The following PCDHGB1 variants were observed in gnomAD, a reference collection of about 807,000 sequenced individuals.
PCDHGB1 encodes protocadherin gamma subfamily B, 1, also known as protocadherin gamma-B1.
Under a neutral mutation model 56.6 loss-of-function variants are expected in PCDHGB1, and 34 were observed. The ratio of observed to expected loss-of-function variants is 0.60; its 90% CI spans 0.46 to 0.80. The LOEUF is 0.80. Among genes scored for constraint, PCDHGB1 ranks in the 30% least tolerant of loss-of-function variants. PCDHGB1 has a pLI of 0.00. For synonymous variants in PCDHGB1, 561 were observed against 505.9 expected (o/e 1.11, Z -1.46); for missense variants, 1,278 against 1,204.6 (o/e 1.06, Z -0.90).
intron 2 of PCDHGB1, among the ~76,000 whole-genome samples, chr5:141,500,501 G>A (rs571735791): frequency 1.3e-5 from 2 of 152,058 alleles, no homozygotes; most frequent in Non-Finnish European, 2.9e-5. Context: ...GAGCCACCGC[G>A]CCTGGCCGAG....
chr5:141,475,128 C>T (rs775275292), intron 1 of PCDHGB1, among the ~76,000 whole-genome samples: 3 of 151,894 alleles, frequency 2.0e-5, no homozygotes, highest in Non-Finnish European at 4.4e-5. Context: ...GGCTTTTTTT[C>T]TTTTTGAAAT....
intron 1 of PCDHGB1, chr5:141,418,920 A>G: frequency 6.2e-7 from 1 of 1,613,992 alleles, no homozygotes; most frequent in Non-Finnish European, 8.5e-7. Flanking sequence ...TCACTCTCTG[A>G]TCAGATTATG....
intron 1 of PCDHGB1, chr5:141,424,187 A>C (rs2096804354): frequency 5.3e-6 from 1 of 188,948 alleles, no homozygotes; most frequent in African/African-American, 2.4e-5. Context: ...ACATGCACAC[A>C]CACTTATACA....
Position 141,485,096 on chromosome 5 carries a change from C to T in PCDHGB1, c.2410-9711C>T, listed in dbSNP as rs1166994104. On this transcript the variant is annotated intron_variant, in intron 1 of 3. Coordinates refer to ENST00000523390, the MANE Select transcript of PCDHGB1 (RefSeq NM_018922.3). This position sits in a 1 kb window ranked among gnomAD's most constrained non-coding sequence, Gnocchi z 5.7. The stretch of plus-strand genomic sequence containing the variant: ...CGCGGGGAAAGGGAGATAGGTGTCT[C>T]CAGCTGCTGTGGCTGTTTGGGGCGG... The T allele has an allele frequency of 1.8e-6, 2 of 1,125,566 alleles. No homozygotes were observed. The highest frequency in any genetic ancestry group is 3.1e-5 in the African/African-American group (2 of 64,908). 69.7% of individuals were successfully genotyped at this position (1,125,566 alleles called of 1,614,324 possible).
intron 1 of PCDHGB1, chr5:141,408,661 G>T (rs1462103250): frequency 1.2e-6 from 2 of 1,613,888 alleles, no homozygotes; most frequent in Middle Eastern, 3.3e-4. Context: ...CACGACTATC[G>T]CTTGACCCTG....
chr5:141,428,679 TGGATGA>T (rs1231732563), intron 1 of PCDHGB1: 1 of 163,254 alleles, frequency 6.1e-6, no homozygotes, highest in Non-Finnish European at 1.3e-5. Flanking sequence ...CATTTACAAA[TGGATGA>T]GGTTTAATTT....
Position 141,486,998 on chromosome 5 carries a change from C to G in PCDHGB1, c.2410-7809C>G, listed in dbSNP as rs754609128. On this transcript the variant is annotated intron_variant, in intron 1 of 3. Coordinates refer to ENST00000523390, the MANE Select transcript of PCDHGB1 (RefSeq NM_018922.3). The surrounding 1 kb of genome is among the most constrained non-coding windows in gnomAD (Gnocchi z 5.0). ...AGGTTACAATGCTTGGGTTTCCTAT[C>G]AGCTCCTGGAGGCCCCAGATCCCAG... The G allele has an allele frequency of 6.2e-7, 1 of 1,614,206 alleles. No homozygotes were observed. Among genetic ancestry groups the G allele is most frequent in the Non-Finnish European group, 8.5e-7 (1 of 1,180,034 alleles).
At chr5:141,403,138 C>G in intron 1 of PCDHGB1, 1 of 1,614,036 alleles carries the variant, frequency 6.2e-7, no homozygotes, top group Non-Finnish European at 8.5e-7. Context: ...TGGCGGAGCG[C>G]CGAGTCCGCA....
Position 141,489,101 on chromosome 5 carries a change from T to C in PCDHGB1, c.2410-5706T>C. The C allele has an allele frequency of 2.5e-6, 1 of 398,412 alleles. No homozygotes were observed. The highest frequency in any genetic ancestry group is 4.3e-5 in the South Asian group (1 of 23,096). The allele number at this position is 398,412 out of a possible 1,614,324, so 24.7% of individuals were successfully genotyped here. A position where few individuals can be genotyped will look rare whatever the true frequency, so the allele number is the denominator to read the frequency against. ...CCGCCACTCGGTGACTAAGAACTGC[T>C]GCAAGCAGGCAAACCTCCGAGCAGT... On this transcript the variant is annotated intron_variant, in intron 1 of 3. Coordinates refer to ENST00000523390, the MANE Select transcript of PCDHGB1 (RefSeq NM_018922.3). The surrounding 1 kb of genome is among the most constrained non-coding windows in gnomAD (Gnocchi z 4.5).
intron 2 of PCDHGB1, among the ~76,000 whole-genome samples, chr5:141,503,432 TA>T (rs1423418926): frequency 6.6e-6 from 1 of 151,668 alleles, no homozygotes; most frequent in African/African-American, 2.4e-5. Flanking sequence ...CCATCTCTAC[TA>T]AAAATACAAA....
At chr5:141,501,146 T>C (rs2299023) in intron 2 of PCDHGB1, among the ~76,000 whole-genome samples, 88,663 of 152,012 alleles carry the variant, frequency 0.58, 27,355 homozygotes, top group African/African-American at 0.78. Context: ...GGATTACAGG[T>C]GGGAGCCACC....
intron 1 of PCDHGB1, chr5:141,385,365 G>C: frequency 6.5e-7 from 1 of 1,539,374 alleles, no homozygotes; most frequent in Non-Finnish European, 8.7e-7. Flanking sequence ...GAATTTATTT[G>C]CATGATATTT....
intron 1 of PCDHGB1, among the ~76,000 whole-genome samples, chr5:141,483,832 G>A (rs994540286): frequency 2.0e-5 from 3 of 152,134 alleles, no homozygotes; most frequent in African/African-American, 7.2e-5. Context: ...ACCTAGGTAA[G>A]GACTTGGTTG....
chr5:141,393,078 A>G, intron 1 of PCDHGB1: 1 of 1,613,718 alleles, frequency 6.2e-7, no homozygotes, highest in Non-Finnish European at 8.5e-7. Context: ...CACCGCGGGC[A>G]GGATAGATCG....
intron 1 of PCDHGB1, chr5:141,365,768 G>C: frequency 6.2e-7 from 1 of 1,613,812 alleles, no homozygotes. Flanking sequence ...CCATGACCCC[G>C]ACAGCGGCGA....
intron 1 of PCDHGB1, among the ~76,000 whole-genome samples, chr5:141,438,581 TACATAC>T (rs2097977343): frequency 4.0e-5 from 2 of 49,846 alleles, no homozygotes; most frequent in Non-Finnish European, 6.5e-5. Flanking sequence ...TATACATACA[TACATAC>T]ATACATATAT....
intron 1 of PCDHGB1, chr5:141,418,379 C>T: frequency 6.2e-7 from 1 of 1,613,966 alleles, no homozygotes; most frequent in Non-Finnish European, 8.5e-7. Flanking sequence ...CCAACTAAGT[C>T]CTAACGAGTA....
At chr5:141,388,376 C>T in intron 1 of PCDHGB1, 3 of 1,613,944 alleles carry the variant, frequency 1.9e-6, no homozygotes, top group Non-Finnish European at 2.5e-6. Context: ...ATATTGGTAG[C>T]AACACACTGC....
chr5:141,395,435 T>A, intron 1 of PCDHGB1: 1 of 680,384 alleles, frequency 1.5e-6, no homozygotes, highest in Non-Finnish European at 2.3e-6. Context: ...TTTAAACGAC[T>A]TGGAAAAGAT....
Sources: gnomAD v4.1 joint callset for allele counts (sites outside exome capture counted in the v4.1 genomes callset) on GRCh38, gnomAD v4.1.1 for gene constraint, Gnocchi (gnomAD v3.1) non-coding constraint, MANE v1.5 for transcripts, NCBI Gene and HGNC (gene_info 2026-07-23, HGNC 2026-07-21) for gene names.